The following PATL2 variants were observed in gnomAD, a reference collection of about 807,000 sequenced individuals.
PATL2 encodes protein PAT1 homolog 2.
In PATL2, 73 loss-of-function variants were observed where a neutral mutation model predicts 77.0. The observed-to-expected ratio is 0.95, with a 90% CI of 0.78 to 1.15. The LOEUF (loss-of-function observed/expected upper bound fraction) is 1.15, where lower values mean the gene tolerates loss of function less well. Among genes scored for constraint, PATL2 ranks in the 50% most tolerant of loss-of-function variants. The pLI, the probability that PATL2 is intolerant of heterozygous loss-of-function variation, is 0.00. For synonymous variants in PATL2, 265 were observed against 257.1 expected (o/e 1.03, Z -0.29); for missense variants, 618 against 655.4 (o/e 0.94, Z 0.62).
At chr15:44,697,495 A>G (rs1049031078) in intron 3 of PATL2, 3 of 152,216 alleles carry the variant, frequency 2.0e-5, no homozygotes, top group Admixed American at 6.5e-5. Context: ...TATTACTTTT[A>G]TAAACAGAAA....
At chr15:44,674,252 A>C (rs1021582530) in intron 5 of PATL2, 22 bp from the exon 6 acceptor site, 67 of 1,510,524 alleles carry the variant, frequency 4.4e-5, no homozygotes, top group Non-Finnish European at 5.2e-5. Context: ...GGGAGGAAAA[A>C]CCAGGCTCAA....
intron 3 of PATL2, among the ~76,000 whole-genome samples, chr15:44,691,140 A>T (rs1281455948): frequency 2.0e-5 from 3 of 152,100 alleles, no homozygotes; most frequent in East Asian, 1.9e-4. Context: ...ATTTGGTTAT[A>T]AAAAACTCAA....
chr15:44,690,980 T>C (rs1438084462), intron 3 of PATL2, among the ~76,000 whole-genome samples: 1 of 151,918 alleles, frequency 6.6e-6, no homozygotes, highest in Non-Finnish European at 1.5e-5. Flanking sequence ...TCTTTGACCA[T>C]GCTTTTTACT....
At chr15:44,702,896 A>G (rs1442758463) in intron 3 of PATL2, among the ~76,000 whole-genome samples, 1 of 152,116 alleles carries the variant, frequency 6.6e-6, no homozygotes, top group African/African-American at 2.4e-5. Flanking sequence ...TTGTGGTCTA[A>G]CATATGGTCT....
chr15:44,685,376 AGGC>A (rs1255761498), intron 3 of PATL2, among the ~76,000 whole-genome samples: 1 of 152,240 alleles, frequency 6.6e-6, no homozygotes, highest in African/African-American at 2.4e-5. Context: ...TGGGAGGCCA[AGGC>A]GGGTGGATCA....
chr15:44,703,774 G>A (rs1156642587), intron 3 of PATL2, among the ~76,000 whole-genome samples: 3 of 97,160 alleles, frequency 3.1e-5, no homozygotes, highest in East Asian at 3.3e-4. Flanking sequence ...GCCACTCTAT[G>A]TCTTTTGAAT....
Position 44,665,744 on chromosome 15 carries a change from C to G in PATL2, c.*209G>C. On this transcript the variant is annotated 3_prime_UTR_variant, in exon 18 of 18. Coordinates refer to ENST00000682850, the MANE Select transcript of PATL2 (RefSeq NM_001387263.1). Reference sequence around the variant, plus strand: ...AAGTTCCAACACATCATTCTATTATCTCTTTAATTATACCTTATTATGCCA... The same window carrying G: ...AAGTTCCAACACATCATTCTATTATGTCTTTAATTATACCTTATTATGCCA... 1 of 1,346,962 alleles carries G rather than the reference C, an allele frequency of 7.4e-7. No homozygotes were observed. Among genetic ancestry groups the G allele is most frequent in the Non-Finnish European group, 9.8e-7 (1 of 1,024,740 alleles). The allele number at this position is 1,346,962 out of a possible 1,614,324, so 83.4% of individuals were successfully genotyped here. A position where few individuals can be genotyped will look rare whatever the true frequency, so the allele number is the denominator to read the frequency against.
chr15:44,704,186 C>A (rs1221104904), intron 3 of PATL2, among the ~76,000 whole-genome samples: 1 of 147,216 alleles, frequency 6.8e-6, no homozygotes, highest in Non-Finnish European at 1.5e-5. Context: ...TAGAGACAAG[C>A]ACTTTTGTAG....
intron 3 of PATL2, among the ~76,000 whole-genome samples, chr15:44,690,495 T>A (rs2086366539): frequency 6.7e-6 from 1 of 150,274 alleles, no homozygotes; most frequent in Admixed American, 6.7e-5. Context: ...CACGCAACCA[T>A]GCCTGGCTTT....
chr15:44,669,630 A>C, intron 11 of PATL2, 67 bp from the exon 12 acceptor site: 1 of 1,525,338 alleles, frequency 6.6e-7, no homozygotes, highest in Admixed American at 2.0e-5. Flanking sequence ...CAGGCCCCCA[A>C]CTAGCTAGAG....
intron 3 of PATL2, among the ~76,000 whole-genome samples, chr15:44,684,011 G>A (rs1375549563): frequency 1.3e-5 from 2 of 151,188 alleles, no homozygotes; most frequent in African/African-American, 4.9e-5. Context: ...GGGCCTGACT[G>A]TTAGAAGGAA....
intron 3 of PATL2, among the ~76,000 whole-genome samples, chr15:44,684,024 C>A (rs1287601860): frequency 1.8e-4 from 27 of 150,704 alleles, no homozygotes; most frequent in Non-Finnish European, 2.7e-4. Flanking sequence ...AGAAGGAAAA[C>A]TAACAAACAG....
chr15:44,673,295 A>G lies in PATL2; in HGVS notation c.386T>C (p.Leu129Pro), dbSNP rs1413866827. The G allele has an allele frequency of 1.9e-6, 3 of 1,551,692 alleles. No homozygotes were observed. Among genetic ancestry groups the G allele is most frequent in the Non-Finnish European group, 2.6e-6 (3 of 1,146,982 alleles). The change falls in exon 7 of 18, where the codon CTG becomes CCG. Residue 129 changes from leucine (L) to proline (P), a missense_variant. By Grantham distance (98) the Leu-to-Pro change is moderately conservative. Transcript: ENST00000682850. ...SSPAQHFGPR[L>P]PSPDPTLFCS... is the part of the protein sequence containing the mutation. ...GAAGAGAGTTGGGTCTGGTGAGGGC[A>G]GCCGAGGTCCAAAGTGCTGTGCTGG...
chr15:44,675,465 C>T (rs1466941134), intron 5 of PATL2, 21 bp downstream of exon 5: 2 of 1,546,656 alleles, frequency 1.3e-6, no homozygotes, highest in East Asian at 4.9e-5. Flanking sequence ...AACCCTCTCC[C>T]ATTCCCTTCT....
At chr15:44,668,211 G>T in intron 15 of PATL2, 131 bp downstream of exon 15, 1 of 1,174,998 alleles carries the variant, frequency 8.5e-7, no homozygotes, top group Non-Finnish European at 1.2e-6. Flanking sequence ...GTGATCATGT[G>T]CTTACTAGAA....
intron 9 of PATL2, among the ~76,000 whole-genome samples, chr15:44,670,402 C>T (rs1448567330): frequency 6.6e-6 from 1 of 152,112 alleles, no homozygotes; most frequent in Non-Finnish European, 1.5e-5. Flanking sequence ...CCATGTTGCT[C>T]AGGCTGGTCT....
intron 16 of PATL2, 170 bp downstream of exon 16, chr15:44,666,936 A>G: frequency 1.7e-6 from 1 of 603,526 alleles, no homozygotes; most frequent in Non-Finnish European, 2.9e-6. Context: ...GAAGAAACCG[A>G]AACTCTAGGG....
At chr15:44,666,368 G>T (rs1204870059) in intron 17 of PATL2, 24 bp downstream of exon 17, 2 of 1,551,316 alleles carry the variant, frequency 1.3e-6, no homozygotes, top group South Asian at 2.4e-5. Flanking sequence ...AAGGGGCTTT[G>T]ACCTTGTTTC....
chr15:44,708,131 A>G (rs529855606), intron 3 of PATL2, among the ~76,000 whole-genome samples: 99 of 152,362 alleles, frequency 6.5e-4, no homozygotes, highest in Non-Finnish European at 1.1e-3. Flanking sequence ...GCATTTAGCA[A>G]TTCAAGACTG....
Sources: allele counts gnomAD v4.1 joint callset (sites outside exome capture counted in the v4.1 genomes callset), GRCh38; gene constraint gnomAD v4.1.1; transcripts MANE v1.5; gene names NCBI Gene and HGNC (gene_info 2026-07-23, HGNC 2026-07-21).